H2BC5: variants seen among roughly 807,000 people sequenced by gnomAD.
The protein encoded by H2BC5 is H2B clustered histone 5.
A neutral mutation model predicts 5.7 loss-of-function variants in H2BC5; 9 were observed. That is an observed-to-expected ratio of 1.57 (90% confidence interval 0.95 to 2.74). The LOEUF is 2.74. H2BC5 is among the 30% of genes most tolerant of loss of function. The pLI, the probability that H2BC5 is intolerant of heterozygous loss-of-function variation, is 0.00. For missense variants in H2BC5, 175 were observed against 168.8 expected (o/e 1.04, Z -0.20); for synonymous variants, 133 against 70.9 (o/e 1.88, Z -4.40).
intron 1 of H2BC5, chr6:26,164,329 G>A: frequency 4.0e-6 from 1 of 248,302 alleles, no homozygotes; most frequent in East Asian, 1.2e-4. Context: ...CACAGATTTG[G>A]GAAAGTGAAA....
Position 26,158,318 on chromosome 6 carries a change from A to G in H2BC5, c.149A>G (p.His50Arg). The change falls in exon 1 of 1, where the codon CAT becomes CGT. Residue 50 changes from histidine to arginine, a missense_variant. His to Arg is a conservative substitution (Grantham distance 29). Coordinates refer to ENST00000377777, the MANE Select transcript of H2BC5 (RefSeq NM_021063.4). Reference sequence around the variant, plus strand: ...GTGTACAAGGTGCTGAAGCAGGTCCATCCCGACACCGGCATCTCTTCCAAG... The same window carrying G: ...GTGTACAAGGTGCTGAAGCAGGTCCGTCCCGACACCGGCATCTCTTCCAAG... ...VYVYKVLKQV[H>R]PDTGISSKAM... 6.2e-7 allele frequency: 1 copy of G among 1,614,288 alleles called. No individual in the cohort carries two copies. Among genetic ancestry groups the G allele is most frequent in the Non-Finnish European group, 8.5e-7 (1 of 1,180,056 alleles).
At position 26,158,528 on chromosome 6, in the gene H2BC5, C is replaced by G. The variant is rs1216904193; in HGVS notation, c.359C>G (p.Thr120Ser). Reference protein sequence around the residue: ...HAVSEGTKAVTKYTSSK With the variant: ...HAVSEGTKAVSKYTSSK ...GTGTCGGAGGGCACCAAGGCCGTCACCAAGTACACCAGTTCCAAGTAACTT... is the reference window on the plus strand; with the variant it reads ...GTGTCGGAGGGCACCAAGGCCGTCAGCAAGTACACCAGTTCCAAGTAACTT... Residue 120 changes from threonine to serine, a missense_variant, in exon 1 of 1, where the codon ACC (threonine) becomes AGC (serine). Physicochemically the swap from Thr to Ser is moderately conservative, Grantham distance 58. Around this residue, in one of 4 missense-constraint regions of H2BC5, gnomAD observed 9 missense variants for 28.5 expected, o/e 0.32. Coordinates refer to ENST00000377777, the MANE Select transcript of H2BC5 (RefSeq NM_021063.4). 6.2e-7 allele frequency: 1 copy of G among 1,614,236 alleles called. No individual in the cohort carries two copies. The highest frequency in any genetic ancestry group is 1.7e-5 in the Admixed American group (1 of 60,024).
chr6:26,160,148 G>A (rs1294971805), downstream of H2BC5, among the ~76,000 whole-genome samples: 1 of 152,102 alleles, frequency 6.6e-6, no homozygotes, highest in African/African-American at 2.4e-5. Flanking sequence ...ACAAGCCATC[G>A]ATGCTTACTT....
chr6:26,168,237 T>A (rs1273146165), intron 1 of H2BC5, among the ~76,000 whole-genome samples: 1 of 152,006 alleles, frequency 6.6e-6, no homozygotes, highest in Non-Finnish European at 1.5e-5. Flanking sequence ...GGCGGGCAGA[T>A]CACCTGAGGT....
Position 26,158,574 on chromosome 6 carries a change from A to T in H2BC5, c.*24A>T. ...AACTTTGCCAAGTAAGCATCTTTAC[A>T]CCTAATCCCAAAGGCTCTTTTAAGA... On this transcript the variant is annotated 3_prime_UTR_variant, in exon 1 of 1. Coordinates refer to ENST00000377777, the MANE Select transcript of H2BC5 (RefSeq NM_021063.4). The T allele has an allele frequency of 6.2e-7, 1 of 1,610,094 alleles. No individual in the cohort carries two copies. Among genetic ancestry groups the T allele is most frequent in the Non-Finnish European group, 8.5e-7 (1 of 1,178,356 alleles).
downstream of H2BC5, chr6:26,163,349 GC>G (rs1764377646): frequency 2.0e-5 from 3 of 152,148 alleles, no homozygotes; most frequent in South Asian, 6.2e-4. Flanking sequence ...AGCTCTATAA[GC>G]TTAACTGTGG....
intron 1 of H2BC5, among the ~76,000 whole-genome samples, chr6:26,169,888 G>A (rs1433297280): frequency 1.3e-5 from 2 of 151,438 alleles, no homozygotes; most frequent in South Asian, 4.2e-4. Flanking sequence ...GTGGCAGGGC[G>A]AGACTCCATC....
chr6:26,159,358 GTTA>G (rs1764314149), downstream of H2BC5, among the ~76,000 whole-genome samples: 1 of 139,068 alleles, frequency 7.2e-6, no homozygotes, highest in African/African-American at 2.6e-5. Context: ...GTAGGCAATA[GTTA>G]TCGCAGGACT....
downstream of H2BC5, chr6:26,158,740 G>A: frequency 1.0e-6 from 1 of 964,826 alleles, no homozygotes; most frequent in African/African-American, 1.7e-5. Context: ...AATAACAATA[G>A]GTACTAGAAA....
rs1561967655 is a variant in H2BC5 at position 26,158,193 on chromosome 6, T to G, written c.24T>G (p.Ala8=). 1 of 1,614,150 alleles carries G rather than the reference T, an allele frequency of 6.2e-7. No individual in the cohort carries two copies. The highest frequency in any genetic ancestry group is 8.5e-7 in the Non-Finnish European group (1 of 1,180,014). Reference sequence around the variant, plus strand: ...CGATGCCTGAACCTACCAAGTCTGCTCCTGCCCCAAAGAAGGGCTCCAAGA... The same window carrying G: ...CGATGCCTGAACCTACCAAGTCTGCGCCTGCCCCAAAGAAGGGCTCCAAGA... MPEPTKS[A]PAPKKGSKKA... Residue 8 remains alanine (A), a synonymous_variant, in exon 1 of 1, where the codon GCT becomes GCG. Transcript: ENST00000377777.
chr6:26,158,326 A>C lies in H2BC5; in HGVS notation c.157A>C (p.Thr53Pro). The C allele has an allele frequency of 6.2e-7, 1 of 1,614,274 alleles. No individual in the cohort carries two copies. Among genetic ancestry groups the C allele is most frequent in the Non-Finnish European group, 8.5e-7 (1 of 1,180,048 alleles). Reference sequence around the variant, plus strand: ...GGTGCTGAAGCAGGTCCATCCCGACACCGGCATCTCTTCCAAGGCAATGGG... The same window carrying C: ...GGTGCTGAAGCAGGTCCATCCCGACCCCGGCATCTCTTCCAAGGCAATGGG... ...YKVLKQVHPD[T>P]GISSKAMGIM... The change falls in exon 1 of 1, where the codon ACC (threonine) becomes CCC (proline). Residue 53 changes from threonine to proline, a missense_variant. Physicochemically the swap from Thr to Pro is conservative, Grantham distance 38 (BLOSUM62 -1). This residue lies in a region of H2BC5 where 119 missense variants were observed against 85.6 expected (regional missense o/e 1.39). Coordinates refer to ENST00000377777, the MANE Select transcript of H2BC5 (RefSeq NM_021063.4).
At chr6:26,162,818 T>A (rs1256922394), downstream of H2BC5, among the ~76,000 whole-genome samples, 1 of 152,102 alleles carries the variant, frequency 6.6e-6, no homozygotes, top group Non-Finnish European at 1.5e-5. Flanking sequence ...GGATTACAGG[T>A]GTGAGCCACC....
chr6:26,158,332 ATC>A lies in H2BC5; in HGVS notation c.167_168del (p.Ser56PhefsTer81), dbSNP rs765350923. 1 of 1,614,150 alleles carries A rather than the reference ATC, an allele frequency of 6.2e-7. No individual in the cohort carries two copies. Among genetic ancestry groups the A allele is most frequent in the African/African-American group, 1.3e-5 (1 of 74,946 alleles). On this transcript the variant is annotated frameshift_variant, in exon 1 of 1. Transcript: ENST00000377777. LOFTEE classifies it high-confidence loss of function. ...GAAGCAGGTCCATCCCGACACCGGC[ATC>A]TCTTCCAAGGCAATGGGGATCATGA... is the stretch of plus-strand genomic sequence containing the variant. Reference protein sequence around the residue: ...VLKQVHPDTGISSKAMGIMNS... With the variant: ...VLKQVHPDTGXSSKAMGIMNS...
At chr6:26,164,035 T>TA (rs1764386176) in intron 1 of H2BC5, 1 of 444,786 alleles carries the variant, frequency 2.2e-6, no homozygotes, top group Non-Finnish European at 4.5e-6. Context: ...TAAAAGAACT[T>TA]ATTGAAATAT....
At chr6:26,169,446 C>T (rs954603462) in intron 1 of H2BC5, among the ~76,000 whole-genome samples, 1 of 152,108 alleles carries the variant, frequency 6.6e-6, no homozygotes, top group Admixed American at 6.5e-5. Flanking sequence ...AACGTGGGCT[C>T]ATACAGGAAC....
intron 1 of H2BC5, chr6:26,164,212 C>A: frequency 2.4e-6 from 1 of 410,566 alleles, no homozygotes; most frequent in South Asian, 2.2e-5. Context: ...AGCAGTGCCC[C>A]TCTCAGTCTC....
chr6:26,160,547 A>G (rs1343773653), downstream of H2BC5, among the ~76,000 whole-genome samples: 2 of 150,730 alleles, frequency 1.3e-5, no homozygotes, highest in African/African-American at 4.9e-5. Context: ...GCAACAGACA[A>G]TGGAAATGAA....
At position 26,165,760 on chromosome 6, in the gene H2BC5, C is replaced by G. The variant is rs534750202; in HGVS notation, c.*10-5215C>G. 9.5e-4 allele frequency among the ~76,000 whole-genome samples: 144 copies of G among 152,278 alleles called. 1 individual carries two copies. The highest frequency in any genetic ancestry group is 3.2e-3 in the African/African-American group (135 of 41,544). Reference sequence around the variant, plus strand: ...CCTCCTAGGGCCTGGTCTCATCCCCCCTCTGTAAGCCATCTATCTCTGCCC... The same window carrying G: ...CCTCCTAGGGCCTGGTCTCATCCCCGCTCTGTAAGCCATCTATCTCTGCCC... On this transcript the variant is annotated intron_variant, in intron 1 of 1. Transcript: ENST00000289316.
intron 1 of H2BC5, among the ~76,000 whole-genome samples, chr6:26,168,376 T>A (rs1764467227): frequency 2.0e-5 from 3 of 151,930 alleles, no homozygotes; most frequent in Admixed American, 6.6e-5. Context: ...GAGAATCGCT[T>A]GAACCCGGGA....
Sources: gnomAD v4.1 joint callset for allele counts (sites outside exome capture counted in the v4.1 genomes callset) on GRCh38, gnomAD v4.1.1 for gene constraint, gnomAD v4.1.1 regional missense constraint, MANE v1.5 for transcripts, NCBI Gene and HGNC (gene_info 2026-07-23, HGNC 2026-07-21) for gene names.